KCNJ5: variants seen among roughly 807,000 people sequenced by gnomAD.
KCNJ5 encodes the protein potassium inwardly rectifying channel subfamily J member 5, also known as G protein-activated inward rectifier potassium channel 4.
KCNJ5 carries 12 observed loss-of-function variants against 20.2 expected under a neutral mutation model. The ratio of observed to expected loss-of-function variants is 0.59; its 90% CI spans 0.38 to 0.96. KCNJ5 has a LOEUF of 0.96. Among genes scored for constraint, KCNJ5 ranks in the 40% least tolerant of loss-of-function variants. The pLI is 0.00. For synonymous variants in KCNJ5, 210 were observed against 213.9 expected, an observed-to-expected ratio of 0.98 and a Z score of 0.16; for missense variants, 449 against 557.6, an observed-to-expected ratio of 0.81 and a Z score of 1.96.
intron 1 of KCNJ5, among the ~76,000 whole-genome samples, chr11:128,896,392 C>T (rs886995548): frequency 2.6e-4 from 39 of 152,150 alleles, no homozygotes; most frequent in African/African-American, 9.2e-4. Flanking sequence ...TTTCCATCAC[C>T]AGGAGGACCT....
At chr11:128,894,408 G>C (rs563522572) in intron 1 of KCNJ5, among the ~76,000 whole-genome samples, 1 of 152,250 alleles carries the variant, frequency 6.6e-6, no homozygotes, top group Admixed American at 6.5e-5. Context: ...GGAATCCATA[G>C]GTAGTTCAAA....
intron 1 of KCNJ5, among the ~76,000 whole-genome samples, chr11:128,893,734 C>A (rs538021841): frequency 6.6e-6 from 1 of 152,318 alleles, no homozygotes; most frequent in South Asian, 2.1e-4. Flanking sequence ...GCCACATTCA[C>A]TCTGCCCAGG....
At chr11:128,916,225 G>GA (rs1944578909) in intron 2 of KCNJ5, among the ~76,000 whole-genome samples, 184 bp from the exon 3 acceptor site, 1 of 130,514 alleles carries the variant, frequency 7.7e-6, no homozygotes, top group African/African-American at 3.2e-5. Context: ...TGGATGGATG[G>GA]TTGGATGGAT....
chr11:128,909,121 G>C (rs1432031198), intron 1 of KCNJ5, among the ~76,000 whole-genome samples: 1 of 152,210 alleles, frequency 6.6e-6, no homozygotes, highest in African/African-American at 2.4e-5. Flanking sequence ...TGTTTTAAAG[G>C]TTATCTTGAA....
intron 1 of KCNJ5, among the ~76,000 whole-genome samples, chr11:128,910,902 A>G (rs992226726): frequency 6.6e-6 from 1 of 152,254 alleles, no homozygotes; most frequent in African/African-American, 2.4e-5. Flanking sequence ...CACAATCCAC[A>G]TGTAATGCGT....
In KCNJ5 at chr11:128,912,071, C is replaced by A; in HGVS notation, c.798C>A (p.Asp266Glu). The A allele has an allele frequency of 6.2e-7, 1 of 1,613,946 alleles. No homozygotes were observed. The highest frequency in any genetic ancestry group is 8.5e-7 in the Non-Finnish European group (1 of 1,180,014). Residue 266 changes from aspartate to glutamate, a missense_variant, in exon 2 of 3, where the codon GAC (aspartate) becomes GAA (glutamate). Asp to Glu is a conservative substitution (Grantham distance 45, BLOSUM62 2). Coordinates refer to ENST00000529694, the MANE Select transcript of KCNJ5 (RefSeq NM_000890.5). ...ACGTGGGCTTTGACACGGGCGACGA[C>A]CGCCTCTTCCTTGTGTCTCCTCTGA... The part of the protein sequence containing the change: ...DINVGFDTGD[D>E]RLFLVSPLII...
At chr11:128,901,188 T>A (rs1236884758) in intron 1 of KCNJ5, 1 of 152,112 alleles carries the variant, frequency 6.6e-6, no homozygotes, top group Non-Finnish European at 1.5e-5. Context: ...AAAGCGTGGG[T>A]TCTGAAGTCA....
intron 1 of KCNJ5, among the ~76,000 whole-genome samples, chr11:128,896,607 G>GGT (rs142872056): frequency 0.3 from 44,520 of 149,104 alleles, 6,806 homozygotes; most frequent in Middle Eastern, 0.33. Flanking sequence ...GCTTGTTGGG[G>GGT]GTGTGTGTGT....
Position 128,916,963 on chromosome 11 carries a change from T to G in KCNJ5, c.*232T>G. On this transcript the variant is annotated 3_prime_UTR_variant, in exon 3 of 3. Transcript: ENST00000529694. ...TGGCAGTGCTGCCTCTTGTAGGTGC[T>G]GGCTAAGGGCCAGGCCAGGATGAGT... 1 of 518,660 alleles carries G rather than the reference T, an allele frequency of 1.9e-6. No individual in the cohort carries two copies. Among genetic ancestry groups the G allele is most frequent in the Non-Finnish European group, 3.4e-6 (1 of 292,678 alleles). 32.1% of individuals were successfully genotyped at this position (518,660 alleles called of 1,614,324 possible). A position where few individuals can be genotyped will look rare whatever the true frequency, so the allele number is the denominator to read the frequency against.
Position 128,911,934 on chromosome 11 carries a change from G to A in KCNJ5, c.661G>A (p.Val221Met). The change falls in exon 2 of 3, where the codon GTG (valine) becomes ATG (methionine). Residue 221 changes from valine to methionine, a missense_variant. Transcript: ENST00000529694. The surrounding 1 kb of genome is among the most constrained non-coding windows in gnomAD (Gnocchi z 6.3). Reference sequence around the variant, plus strand: ...CGAGAAGCTGTGCCTCATGTTCCGGGTGGGCGACCTCCGCAACTCCCACAT... The same window carrying A: ...CGAGAAGCTGTGCCTCATGTTCCGGATGGGCGACCTCCGCAACTCCCACAT... ...RDEKLCLMFR[V>M]GDLRNSHIVE... The A allele has an allele frequency of 6.2e-7, 1 of 1,600,794 alleles. No homozygotes were observed. Among genetic ancestry groups the A allele is most frequent in the Non-Finnish European group, 8.5e-7 (1 of 1,171,532 alleles).
intron 1 of KCNJ5, among the ~76,000 whole-genome samples, chr11:128,896,032 ACACT>A (rs1944171767): frequency 6.6e-6 from 1 of 152,154 alleles, no homozygotes; most frequent in African/African-American, 2.4e-5. Flanking sequence ...CTCCTCCTAG[ACACT>A]CACGCTTGGT....
At chr11:128,898,532 C>T (rs1944212121) in intron 1 of KCNJ5, among the ~76,000 whole-genome samples, 2 of 152,268 alleles carry the variant, frequency 1.3e-5, no homozygotes, top group Non-Finnish European at 2.9e-5. Flanking sequence ...TTCCCTTCAG[C>T]TGGGTCTCTC....
intron 2 of KCNJ5, among the ~76,000 whole-genome samples, chr11:128,915,553 C>T (rs1565554041): frequency 6.6e-6 from 1 of 151,976 alleles, no homozygotes; most frequent in Admixed American, 6.6e-5. Context: ...TTTTCAGGAA[C>T]GGAGTCCCTA....
intron 2 of KCNJ5, 54 bp from the exon 3 acceptor site, chr11:128,916,355 T>C (rs1228745933): frequency 4.7e-5 from 61 of 1,310,690 alleles, no homozygotes; most frequent in Non-Finnish European, 6.2e-5. Flanking sequence ...GATGAATGGA[T>C]GGATAGATGG....
chr11:128,902,598 G>T, intron 1 of KCNJ5: 2 of 1,613,060 alleles, frequency 1.2e-6, no homozygotes. Flanking sequence ...GCACTGAGGG[G>T]GTAGCCCAGG....
intron 1 of KCNJ5, among the ~76,000 whole-genome samples, chr11:128,907,560 C>T (rs541496656): frequency 9.8e-5 from 15 of 152,352 alleles, no homozygotes; most frequent in Admixed American, 9.8e-4. Flanking sequence ...GGACTTGAAG[C>T]TCTGTCTTTT....
At chr11:128,899,902 G>A (rs1944243046) in intron 1 of KCNJ5, 1 of 152,214 alleles carries the variant, frequency 6.6e-6, no homozygotes, top group Non-Finnish European at 1.5e-5. Context: ...GCTCACCAGG[G>A]AGGGCAGAAA....
Position 128,904,268 on chromosome 11 carries a change from T to C in KCNJ5, c.-10-6996T>C, listed in dbSNP as rs573945323. 1.1e-4 allele frequency among the ~76,000 whole-genome samples: 17 copies of C among 152,284 alleles called. No individual in the cohort carries two copies. The East Asian group carries it at 3.3e-3, about 29-fold the overall frequency. On this transcript the variant is annotated intron_variant, in intron 1 of 2. Coordinates refer to ENST00000529694, the MANE Select transcript of KCNJ5 (RefSeq NM_000890.5). ...ACTGGACGCCTTCCTCACCAGGGCC[T>C]TCCTGACTCTTCCTCGCCCACCCCA...
chr11:128,901,045 T>C (rs899159947), intron 1 of KCNJ5: 3 of 152,178 alleles, frequency 2.0e-5, no homozygotes, highest in African/African-American at 7.2e-5. Context: ...ATTTCTTATA[T>C]AGGAAAGAGA....
Sources: gnomAD v4.1 joint callset for allele counts (sites outside exome capture counted in the v4.1 genomes callset) on GRCh38, gnomAD v4.1.1 for gene constraint, Gnocchi (gnomAD v3.1) non-coding constraint, MANE v1.5 for transcripts, NCBI Gene and HGNC (gene_info 2026-07-23, HGNC 2026-07-21) for gene names.